MGAT4A: variants seen among roughly 807,000 people sequenced by gnomAD.
MGAT4A encodes alpha-1,3-mannosyl-glycoprotein 4-beta-N-acetylglucosaminyltransferase A.
In MGAT4A, 33 loss-of-function variants were observed where a neutral mutation model predicts 74.1. The ratio of observed to expected loss-of-function variants is 0.45; its 90% confidence interval spans 0.34 to 0.60. The LOEUF is 0.60. Ranked by LOEUF, MGAT4A falls within the 20% of genes least tolerant of loss-of-function variation. MGAT4A has a pLI of 0.02. For missense variants in MGAT4A, 479 were observed against 628.3 expected (o/e 0.76, Z 2.54); for synonymous variants, 198 against 210.4 (o/e 0.94, Z 0.51).
At chr2:98,646,631 C>T (rs765200166) in intron 8 of MGAT4A, among the ~76,000 whole-genome samples, 7 of 151,930 alleles carry the variant, frequency 4.6e-5, no homozygotes, top group Non-Finnish European at 7.4e-5. Flanking sequence ...CACTTGAGCC[C>T]CCAAAAAGAT....
chr2:98,634,964 C>T (rs371116059), intron 14 of MGAT4A, among the ~76,000 whole-genome samples: 1 of 151,942 alleles, frequency 6.6e-6, no homozygotes, highest in African/African-American at 2.4e-5. Flanking sequence ...GGAGGCAGTG[C>T]AGGCAGACTC....
chr2:98,715,392 A>G (rs1034431109), intron 2 of MGAT4A, among the ~76,000 whole-genome samples: 3 of 152,092 alleles, frequency 2.0e-5, no homozygotes, highest in Non-Finnish European at 4.4e-5. Context: ...CAATTAACTA[A>G]TAAGTACAGA....
At chr2:98,655,976 C>G (rs1342950789) in intron 7 of MGAT4A, 2 of 190,386 alleles carry the variant, frequency 1.1e-5, no homozygotes, top group Non-Finnish European at 2.1e-5. Context: ...TTTTAGGGTC[C>G]CTATTCTGGT....
intron 2 of MGAT4A, among the ~76,000 whole-genome samples, chr2:98,700,150 G>C (rs990245477): frequency 6.6e-6 from 1 of 152,058 alleles, no homozygotes; most frequent in African/African-American, 2.4e-5. Flanking sequence ...CTGCATATAA[G>C]CAGTGGCTGG....
chr2:98,674,867 G>A (rs964251898), intron 4 of MGAT4A, among the ~76,000 whole-genome samples, 168 bp downstream of exon 4: 1 of 152,148 alleles, frequency 6.6e-6, no homozygotes, highest in Admixed American at 6.5e-5. Context: ...GGTCTATGAA[G>A]GAAAATGTCC....
At chr2:98,643,315 T>C (rs72825732) in intron 10 of MGAT4A, among the ~76,000 whole-genome samples, 26,141 of 152,102 alleles carry the variant, frequency 0.17, 2,459 homozygotes, top group African/African-American at 0.23. Flanking sequence ...TGAACCACTG[T>C]ACCTGGCCTA....
Position 98,619,608 on chromosome 2 carries a change from T to C in MGAT4A, c.*5958A>G, listed in dbSNP as rs754940216. 7.2e-5 allele frequency: 11 copies of C among 152,234 alleles called. No homozygotes were observed. The highest frequency in any genetic ancestry group is 1.5e-4 in the Non-Finnish European group (10 of 68,034). The allele number at this position is 152,234 out of a possible 1,614,324, so 9.4% of individuals were successfully genotyped here. The stretch of plus-strand genomic sequence containing the variant: ...CTGAAATGAAAAGTATCAAATCTAC[T>C]GGCAGTGCATCTTACAGTACTGTCG... On this transcript the variant is annotated 3_prime_UTR_variant, in exon 16 of 16. Transcript: ENST00000393487.
chr2:98,635,195 A>T (rs1307754598), intron 14 of MGAT4A, 27 bp downstream of exon 14: 1 of 1,540,868 alleles, frequency 6.5e-7, no homozygotes, highest in Non-Finnish European at 8.9e-7. Flanking sequence ...AGAAAAATAA[A>T]GGCCATTTTA....
At position 98,624,535 on chromosome 2, in the gene MGAT4A, T is replaced by G. The variant is rs1701115360; in HGVS notation, c.*1031A>C. On this transcript the variant is annotated 3_prime_UTR_variant, in exon 16 of 16. Coordinates refer to ENST00000393487, the MANE Select transcript of MGAT4A (RefSeq NM_012214.3). ...TCACCAAAAAACAATATTACAATTT[T>G]CTTTAAAATTATACCAATTATGACT... 1.0e-6 allele frequency: 1 copy of G among 976,408 alleles called. No individual in the cohort carries two copies. Among genetic ancestry groups the G allele is most frequent in the Non-Finnish European group, 1.2e-6 (1 of 821,684 alleles). 60.5% of individuals were successfully genotyped at this position (976,408 alleles called of 1,614,324 possible). A position where few individuals can be genotyped will look rare whatever the true frequency, so the allele number is the denominator to read the frequency against.
intron 2 of MGAT4A, among the ~76,000 whole-genome samples, chr2:98,717,515 T>C (rs566047212): frequency 6.6e-6 from 1 of 152,242 alleles, no homozygotes; most frequent in Non-Finnish European, 1.5e-5. Flanking sequence ...GAAATTCAAA[T>C]AAGGTTTGTA....
chr2:98,665,668 G>C (rs1344742482), intron 4 of MGAT4A, among the ~76,000 whole-genome samples: 2 of 152,240 alleles, frequency 1.3e-5, no homozygotes, highest in Non-Finnish European at 2.9e-5. Flanking sequence ...ATTCTAGAAA[G>C]GGGAAAAAGA....
At chr2:98,681,271 G>A (rs949745098) in intron 2 of MGAT4A, among the ~76,000 whole-genome samples, 4 of 152,104 alleles carry the variant, frequency 2.6e-5, no homozygotes, top group Non-Finnish European at 4.4e-5. Flanking sequence ...GTGAGCCACC[G>A]CACCTGGCCC....
At chr2:98,670,298 A>T (rs1701895738) in intron 4 of MGAT4A, among the ~76,000 whole-genome samples, 1 of 152,188 alleles carries the variant, frequency 6.6e-6, no homozygotes, top group South Asian at 2.1e-4. Flanking sequence ...TCCACTGATT[A>T]GCCACCTTGT....
At chr2:98,713,350 T>G (rs1702544766) in intron 2 of MGAT4A, among the ~76,000 whole-genome samples, 1 of 151,930 alleles carries the variant, frequency 6.6e-6, no homozygotes, top group Non-Finnish European at 1.5e-5. Flanking sequence ...TCCCCAGACT[T>G]TCATGTTTAC....
intron 4 of MGAT4A, among the ~76,000 whole-genome samples, chr2:98,671,528 C>T (rs978805980): frequency 2.6e-5 from 4 of 152,196 alleles, no homozygotes; most frequent in Admixed American, 6.5e-5. Flanking sequence ...TCACTCTACA[C>T]GTAAACTACA....
chr2:98,626,591 A>C (rs1396018679), intron 14 of MGAT4A, among the ~76,000 whole-genome samples: 1 of 152,180 alleles, frequency 6.6e-6, no homozygotes, highest in Non-Finnish European at 1.5e-5. Flanking sequence ...GGCCAAGAGG[A>C]AATTTGAGAT....
rs1333925888 is a variant in MGAT4A, at chr2:98,658,280, A to G, written c.538-16T>C. The stretch of plus-strand genomic sequence containing the variant: ...CAATATCTGTCTGGGAAAGAAAAAA[A>G]ATGTATCTATATTCAAGTTTTTATA... On this transcript the variant is annotated splice_polypyrimidine_tract_variant and intron_variant, in intron 5 of 15. Coordinates refer to ENST00000393487, the MANE Select transcript of MGAT4A (RefSeq NM_012214.3). 3 of 1,504,364 alleles carry G rather than the reference A, an allele frequency of 2.0e-6. No individual in the cohort carries two copies. In the South Asian group the frequency reaches 3.7e-5, roughly 19 times the overall value. The allele number at this position is 1,504,364 out of a possible 1,614,324, so 93.2% of individuals were successfully genotyped here.
intron 5 of MGAT4A, 152 bp from the exon 6 acceptor site, chr2:98,658,416 G>T: frequency 1.8e-6 from 1 of 554,590 alleles, no homozygotes; most frequent in Non-Finnish European, 3.2e-6. Context: ...TTTCTGTATT[G>T]TTCTATTGTA....
intron 2 of MGAT4A, among the ~76,000 whole-genome samples, chr2:98,703,628 A>G (rs1702381683): frequency 6.6e-6 from 1 of 152,122 alleles, no homozygotes; most frequent in South Asian, 2.1e-4. Flanking sequence ...TGAGGAATAA[A>G]ATCCAAAGAT....
Sources: allele counts gnomAD v4.1 joint callset (sites outside exome capture counted in the v4.1 genomes callset), GRCh38; gene constraint gnomAD v4.1.1; transcripts MANE v1.5; gene names NCBI Gene and HGNC (gene_info 2026-07-23, HGNC 2026-07-21).